The following LRP11 variants were observed in gnomAD, a reference collection of about 807,000 sequenced individuals.
The protein encoded by LRP11 is LDL receptor related protein 11, also known as low-density lipoprotein receptor-related protein 11.
Under a neutral mutation model 43.1 loss-of-function variants are expected in LRP11, and 25 were observed. That is an observed-to-expected ratio of 0.58 (90% CI 0.42 to 0.81). LRP11 has a LOEUF of 0.81. LRP11 is among the 30% of genes least tolerant of loss of function. LRP11 has a pLI of 0.00. For missense variants in LRP11, 623 were observed against 665.1 expected, an observed-to-expected ratio of 0.94 and a Z score of 0.70; for synonymous variants, 316 against 299.4, an observed-to-expected ratio of 1.06 and a Z score of -0.57.
intron 5 of LRP11, 122 bp downstream of exon 5, chr6:149,835,963 C>T (rs528570160): frequency 4.3e-6 from 4 of 936,720 alleles, no homozygotes; most frequent in Non-Finnish European, 6.5e-6. Flanking sequence ...TGGCCAAATT[C>T]TTAATTTTAA....
chr6:149,854,785 C>T (rs1217802153), intron 1 of LRP11, among the ~76,000 whole-genome samples: 1 of 152,184 alleles, frequency 6.6e-6, no homozygotes, highest in Non-Finnish European at 1.5e-5. Flanking sequence ...TGCTTTCGAG[C>T]CCATCACTTT....
rs539443204 is a variant in LRP11, at chr6:149,835,214, A to T, written c.1252+871T>A. Reference sequence around the variant, plus strand: ...GGCTGGTCTCAAACTCTTGGCCTCAAGCAATTCTTCTGCCTCAGCCTCCAG... The same window carrying T: ...GGCTGGTCTCAAACTCTTGGCCTCATGCAATTCTTCTGCCTCAGCCTCCAG... On this transcript the variant is annotated intron_variant, in intron 5 of 6. Transcript: ENST00000239367. Among the ~76,000 whole-genome samples the T allele has an allele frequency of 1.7e-3, 264 of 152,346 alleles. 1 individual carries two copies. Among genetic ancestry groups the T allele is most frequent in the Admixed American group, 3.1e-3 (48 of 15,314 alleles).
chr6:149,825,459 T>G (rs1188123603), intron 6 of LRP11, among the ~76,000 whole-genome samples: 1 of 152,188 alleles, frequency 6.6e-6, no homozygotes, highest in South Asian at 2.1e-4. Context: ...GAGTAATAAC[T>G]GCCATCGTTT....
At chr6:149,859,277 T>C (rs1366520918) in intron 1 of LRP11, among the ~76,000 whole-genome samples, 1 of 151,110 alleles carries the variant, frequency 6.6e-6, no homozygotes, top group Non-Finnish European at 1.5e-5. Context: ...TCTTTGATTC[T>C]AAGGTCGAAC....
chr6:149,828,631 G>C (rs1340793443), intron 5 of LRP11, among the ~76,000 whole-genome samples: 3 of 151,926 alleles, frequency 2.0e-5, no homozygotes, highest in African/African-American at 7.3e-5. Context: ...TGGGACTACA[G>C]GTAAGCATCA....
chr6:149,831,347 T>C (rs1169071874), intron 5 of LRP11, among the ~76,000 whole-genome samples: 1 of 152,228 alleles, frequency 6.6e-6, no homozygotes, highest in African/African-American at 2.4e-5. Context: ...GCACCACTTT[T>C]CTAGCCCTTT....
intron 2 of LRP11, among the ~76,000 whole-genome samples, chr6:149,848,278 G>T (rs1031878621): frequency 3.9e-5 from 6 of 152,174 alleles, no homozygotes; most frequent in African/African-American, 1.4e-4. Context: ...GTGCAAATTA[G>T]TTCACCCATT....
At chr6:149,847,762 T>C (rs1048501454) in intron 2 of LRP11, among the ~76,000 whole-genome samples, 1 of 151,458 alleles carries the variant, frequency 6.6e-6, no homozygotes, top group South Asian at 2.1e-4. Context: ...CCCATCTTCC[T>C]AGCTAGGAAT....
At chr6:149,848,897 T>G (rs181719419) in intron 2 of LRP11, among the ~76,000 whole-genome samples, 1 of 152,316 alleles carries the variant, frequency 6.6e-6, no homozygotes, top group Non-Finnish European at 1.5e-5. Flanking sequence ...AAAATATGTT[T>G]AAATATAAAA....
chr6:149,821,765 C>G (rs986345653), intron 6 of LRP11, among the ~76,000 whole-genome samples: 3 of 152,148 alleles, frequency 2.0e-5, no homozygotes, highest in Non-Finnish European at 4.4e-5. Context: ...AGGGATCTTG[C>G]CAACTGGTAG....
chr6:149,835,744 A>G (rs1243226347), intron 5 of LRP11, among the ~76,000 whole-genome samples: 1 of 152,208 alleles, frequency 6.6e-6, no homozygotes, highest in African/African-American at 2.4e-5. Context: ...TGCTTGGGTG[A>G]AGAGGATTTA....
Position 149,820,425 on chromosome 6 carries a change from T to C in LRP11, c.*124A>G. On this transcript the variant is annotated 3_prime_UTR_variant, in exon 7 of 7. Coordinates refer to ENST00000239367, the MANE Select transcript of LRP11 (RefSeq NM_032832.6). ...TTTTACAATAAATAATAAAGAAAGA[T>C]TTGGGATTTGCAGAATCTTCTGGCC... 4.1e-6 allele frequency: 2 copies of C among 491,868 alleles called. No homozygotes were observed. Among genetic ancestry groups the C allele is most frequent in the Non-Finnish European group, 7.3e-6 (2 of 273,364 alleles). The allele number at this position is 491,868 out of a possible 1,614,324, so 30.5% of individuals were successfully genotyped here. A position where few individuals can be genotyped will look rare whatever the true frequency, so the allele number is the denominator to read the frequency against.
intron 1 of LRP11, among the ~76,000 whole-genome samples, chr6:149,856,503 T>A (rs1776801048): frequency 6.6e-6 from 1 of 152,068 alleles, no homozygotes; most frequent in African/African-American, 2.4e-5. Flanking sequence ...AATAAACAAA[T>A]AACAACACGA....
chr6:149,826,257 C>A lies in LRP11; in HGVS notation c.1348+7G>T. ...GTCTGCAAAGGGTTTCCAAGGTGGA[C>A]ATTTACCTGTTTCTGGGGCTGGGTG... On this transcript the variant is annotated splice_region_variant and intron_variant, in intron 6 of 6. Transcript: ENST00000239367. The A allele has an allele frequency of 6.2e-7, 1 of 1,605,874 alleles. No homozygotes were observed. Among genetic ancestry groups the A allele is most frequent in the Non-Finnish European group, 8.5e-7 (1 of 1,172,414 alleles).
chr6:149,863,797 A>G lies in LRP11; in HGVS notation c.224T>C (p.Leu75Pro), dbSNP rs1402381378. The G allele has an allele frequency of 6.7e-7, 1 of 1,495,556 alleles. No homozygotes were observed. The highest frequency in any genetic ancestry group is 8.8e-7 in the Non-Finnish European group (1 of 1,130,412). The allele number at this position is 1,495,556 out of a possible 1,614,324, so 92.6% of individuals were successfully genotyped here. Residue 75 changes from leucine (L) to proline (P), a missense_variant, in exon 1 of 7, where the codon CTG becomes CCG. Transcript: ENST00000239367. The stretch of plus-strand genomic sequence containing the variant: ...GCCGCCCGCGCGCAGCTCCAGCTCC[A>G]GCTCCTCCTGAGGCCGCTCCTGCTG... ...QLQQERPQEE[L>P]ELELRAGGGP... is the part of the protein sequence containing the mutation.
chr6:149,820,471 T>C lies in LRP11; in HGVS notation c.*78A>G, dbSNP rs889333247. 3.5e-5 allele frequency: 21 copies of C among 602,536 alleles called. No homozygotes were observed. The African/African-American group carries it at 3.8e-4, about 11-fold the overall frequency. The allele number at this position is 602,536 out of a possible 1,614,324, so 37.3% of individuals were successfully genotyped here. A position where few individuals can be genotyped will look rare whatever the true frequency, so the allele number is the denominator to read the frequency against. On this transcript the variant is annotated 3_prime_UTR_variant, in exon 7 of 7. Coordinates refer to ENST00000239367, the MANE Select transcript of LRP11 (RefSeq NM_032832.6). ...TGGCCCAATTAAAAACAAAAGAAGCTGTAAATATCCAGAACTTAATAGATG... is the reference window on the plus strand; with the variant it reads ...TGGCCCAATTAAAAACAAAAGAAGCCGTAAATATCCAGAACTTAATAGATG...
chr6:149,837,286 C>T (rs2115385080), intron 4 of LRP11, 52 bp downstream of exon 4: 7 of 1,588,582 alleles, frequency 4.4e-6, no homozygotes, highest in South Asian at 2.3e-5. Flanking sequence ...CACAGACCTC[C>T]CAACTCCATC....
At chr6:149,842,478 G>A (rs575659391) in intron 3 of LRP11, 74 of 660,650 alleles carry the variant, frequency 1.1e-4, no homozygotes, top group Non-Finnish European at 1.8e-4. Flanking sequence ...TCACCATGCT[G>A]TGCAACAGAT....
chr6:149,831,386 C>T (rs529498377), intron 5 of LRP11, among the ~76,000 whole-genome samples: 53 of 152,282 alleles, frequency 3.5e-4, no homozygotes, highest in Admixed American at 1.2e-3. Flanking sequence ...TTTCTTTCCT[C>T]GGGGTAGCTT....
Sources: gnomAD v4.1 joint callset for allele counts (sites outside exome capture counted in the v4.1 genomes callset) on GRCh38, gnomAD v4.1.1 for gene constraint, MANE v1.5 for transcripts, NCBI Gene and HGNC (gene_info 2026-07-23, HGNC 2026-07-21) for gene names.